The following IL1RAPL1 variants were observed in gnomAD, a reference collection of about 807,000 sequenced individuals.
The protein encoded by IL1RAPL1 is interleukin-1 receptor accessory protein-like 1.
IL1RAPL1 carries 3 observed loss-of-function variants against 48.4 expected under a neutral mutation model. That is an observed-to-expected ratio of 0.06 (90% CI 0.03 to 0.16). The LOEUF is 0.16. Among genes scored for constraint, IL1RAPL1 ranks in the 10% least tolerant of loss-of-function variants. The pLI is 1.00. For missense variants in IL1RAPL1, 349 were observed against 530.6 expected, an observed-to-expected ratio of 0.66 and a Z score of 3.36; for synonymous variants, 185 against 187.7, an observed-to-expected ratio of 0.99 and a Z score of 0.12.
intron 6 of IL1RAPL1, among the ~76,000 whole-genome samples, chrX:29,712,441 A>G (rs1277455091): frequency 8.9e-6 from 1 of 112,232 alleles, no homozygotes; most frequent in Non-Finnish European, 1.9e-5. Flanking sequence ...ACACTGAGGA[A>G]TGATATAAAA....
At chrX:29,584,040 T>G (rs189096839) in intron 5 of IL1RAPL1, among the ~76,000 whole-genome samples, 68 of 111,576 alleles carry the variant, frequency 6.1e-4, no homozygotes, top group African/African-American at 2.2e-3. Context: ...GGTCCCTTGC[T>G]TACTTGTGCT....
chrX:29,798,961 T>C (rs1290749390), intron 6 of IL1RAPL1, among the ~76,000 whole-genome samples: 2 of 112,504 alleles, frequency 1.8e-5, no homozygotes, highest in Non-Finnish European at 3.8e-5. Flanking sequence ...TTTTCAGAAA[T>C]AGTTAAGTAG....
At chrX:29,385,779 C>A (rs182121864) in intron 3 of IL1RAPL1, among the ~76,000 whole-genome samples, 1 of 112,163 alleles carries the variant, frequency 8.9e-6, no homozygotes, top group African/African-American at 3.2e-5. Context: ...TTGTTTCCAC[C>A]TTTTGGGTGT....
chrX:29,578,565 G>C (rs1922850878), intron 5 of IL1RAPL1, among the ~76,000 whole-genome samples: 1 of 111,860 alleles, frequency 8.9e-6, no homozygotes, highest in Admixed American at 9.5e-5. Context: ...AGAAGGAAGA[G>C]AAGCAAGAGC....
intron 2 of IL1RAPL1, among the ~76,000 whole-genome samples, chrX:29,226,967 T>C (rs1039128667): frequency 9.7e-6 from 1 of 103,309 alleles, no homozygotes; most frequent in Non-Finnish European, 2.0e-5. Flanking sequence ...TAAACTAATA[T>C]TCCTAATTGC....
chrX:29,737,281 A>C (rs918850823), intron 6 of IL1RAPL1, among the ~76,000 whole-genome samples: 6 of 111,721 alleles, frequency 5.4e-5, no homozygotes, highest in African/African-American at 2.0e-4. Flanking sequence ...AAGGGTACAC[A>C]ATCAAGATGG....
At chrX:28,650,518 C>G (rs1438025095) in intron 1 of IL1RAPL1, among the ~76,000 whole-genome samples, 1 of 111,671 alleles carries the variant, frequency 9.0e-6, no homozygotes, top group Non-Finnish European at 1.9e-5. Context: ...CCCACCATGT[C>G]CCTCCGACAA....
intron 5 of IL1RAPL1, among the ~76,000 whole-genome samples, chrX:29,546,412 C>T (rs1318358523): frequency 9.0e-6 from 1 of 111,374 alleles, no homozygotes; most frequent in Non-Finnish European, 1.9e-5. Flanking sequence ...AGGGAAATAG[C>T]ATGTGTCCTT....
chrX:28,932,794 A>T (rs1200256997), intron 2 of IL1RAPL1, among the ~76,000 whole-genome samples: 1 of 110,867 alleles, frequency 9.0e-6, no homozygotes, highest in East Asian at 2.8e-4. Context: ...TTAGTAGAAA[A>T]AGAAAACTCA....
chrX:29,541,921 T>A (rs185619086), intron 5 of IL1RAPL1, among the ~76,000 whole-genome samples: 2 of 110,943 alleles, frequency 1.8e-5, no homozygotes, highest in African/African-American at 6.5e-5. Context: ...CCCCTGAATC[T>A]AACATAAAAG....
At chrX:28,756,428 T>G (rs1240127340) in intron 1 of IL1RAPL1, among the ~76,000 whole-genome samples, 2 of 111,858 alleles carry the variant, frequency 1.8e-5, no homozygotes, top group Non-Finnish European at 3.8e-5. Flanking sequence ...GAAGTGACAG[T>G]TATATCATGT....
At chrX:28,665,691 A>G (rs1361013833) in intron 1 of IL1RAPL1, among the ~76,000 whole-genome samples, 1 of 110,913 alleles carries the variant, frequency 9.0e-6, no homozygotes, top group African/African-American at 3.3e-5. Context: ...GGGTTTCACC[A>G]TGTTGGCCAG....
At chrX:29,887,276 T>C (rs1932185754) in intron 6 of IL1RAPL1, among the ~76,000 whole-genome samples, 1 of 112,294 alleles carries the variant, frequency 8.9e-6, no homozygotes, top group Admixed American at 9.5e-5. Context: ...CAAAATTTAT[T>C]TTTAACATTG....
intron 1 of IL1RAPL1, among the ~76,000 whole-genome samples, chrX:28,765,651 T>C (rs1178012333): frequency 1.8e-5 from 2 of 111,651 alleles, no homozygotes; most frequent in Admixed American, 9.6e-5. Flanking sequence ...ATTCCTAAGA[T>C]GAAAATGAGA....
intron 1 of IL1RAPL1, among the ~76,000 whole-genome samples, chrX:28,736,042 A>G (rs977513322): frequency 9.0e-6 from 1 of 111,509 alleles, no homozygotes; most frequent in Non-Finnish European, 1.9e-5. Flanking sequence ...TCAAGATATT[A>G]TATAGCAATA....
chrX:29,839,761 T>A (rs1251429013), intron 6 of IL1RAPL1, among the ~76,000 whole-genome samples: 2 of 110,792 alleles, frequency 1.8e-5, no homozygotes, highest in African/African-American at 6.6e-5. Flanking sequence ...ACAAAAATAT[T>A]TTTTTTAAAA....
At chrX:28,766,224 A>G (rs1198939455) in intron 1 of IL1RAPL1, among the ~76,000 whole-genome samples, 1 of 111,116 alleles carries the variant, frequency 9.0e-6, no homozygotes, top group Non-Finnish European at 1.9e-5. Context: ...AGGGATTTGG[A>G]GAGAAATTAA....
intron 1 of IL1RAPL1, among the ~76,000 whole-genome samples, chrX:28,652,862 T>A (rs1934699929): frequency 9.1e-6 from 1 of 109,465 alleles, no homozygotes; most frequent in Non-Finnish European, 1.9e-5. Flanking sequence ...TAGCTGAATC[T>A]GGGGTTTAGT....
At chrX:29,274,384 A>T (rs1199267933) in intron 2 of IL1RAPL1, among the ~76,000 whole-genome samples, 1 of 112,405 alleles carries the variant, frequency 8.9e-6, no homozygotes, top group Non-Finnish European at 1.9e-5. Context: ...CATCACTTAA[A>T]AAATGGTTCT....
Sources: allele counts gnomAD v4.1 joint callset (sites outside exome capture counted in the v4.1 genomes callset), GRCh38; gene constraint gnomAD v4.1.1; transcripts MANE v1.5; gene names NCBI Gene and HGNC (gene_info 2026-07-23, HGNC 2026-07-21).